WDR20: variants seen among roughly 807,000 people sequenced by gnomAD.
The protein encoded by WDR20 is WD repeat-containing protein 20.
WDR20 carries 3 observed loss-of-function variants against 38.7 expected under a neutral mutation model. The ratio of observed to expected loss-of-function variants is 0.08; its 90% CI spans 0.04 to 0.20. The LOEUF is 0.20. WDR20 is among the 10% of genes least tolerant of loss of function. The probability of loss-of-function intolerance (pLI) is 1.00; values close to 1 mark genes in which losing one functional copy is unlikely to be tolerated. For missense variants in WDR20, 559 were observed against 727.7 expected, an observed-to-expected ratio of 0.77 and a Z score of 2.67; for synonymous variants, 298 against 285.6, an observed-to-expected ratio of 1.04 and a Z score of -0.44.
At chr14:102,150,723 G>C (rs1307159140) in intron 1 of WDR20, among the ~76,000 whole-genome samples, 2 of 152,208 alleles carry the variant, frequency 1.3e-5, no homozygotes, top group South Asian at 4.1e-4. Flanking sequence ...AGTAGTTTTT[G>C]TGTGAAAAGC....
chr14:102,215,288 G>GT (rs1346002919), downstream of WDR20, among the ~76,000 whole-genome samples: 1 of 152,200 alleles, frequency 6.6e-6, no homozygotes. Context: ...GCTGAGCTGT[G>GT]TAGAGGCTTC....
intron 1 of WDR20, among the ~76,000 whole-genome samples, chr14:102,154,585 A>G (rs1004825279): frequency 3.9e-5 from 6 of 152,144 alleles, no homozygotes; most frequent in African/African-American, 1.2e-4. Context: ...TTATGTATGC[A>G]TTTGTCTGTC....
At position 102,164,061 on chromosome 14, in the gene WDR20, C is replaced by T. The variant is rs2059299967; in HGVS notation, c.249+23889C>T. Among the ~76,000 whole-genome samples, 2 of 152,108 alleles carry T rather than the reference C, an allele frequency of 1.3e-5. 1 individual carries two copies. Among genetic ancestry groups the T allele is most frequent in the South Asian group, 4.1e-4 (2 of 4,830 alleles). On this transcript the variant is annotated intron_variant, in intron 1 of 2. Coordinates refer to ENST00000342702, the MANE Select transcript of WDR20 (RefSeq NM_144574.4). ...TTGATGTGGCAGCAGTCTGACTTTG[C>T]CAGGGAGCTCAGAGAGTATCTCACA... is the stretch of plus-strand genomic sequence containing the variant.
At chr14:102,199,916 C>T (rs1439202080) in intron 2 of WDR20, among the ~76,000 whole-genome samples, 1 of 152,108 alleles carries the variant, frequency 6.6e-6, no homozygotes, top group African/African-American at 2.4e-5. Context: ...ACCTCTAAAC[C>T]GTGACGCTCA....
At chr14:102,156,547 T>C (rs1434189710) in intron 1 of WDR20, among the ~76,000 whole-genome samples, 2 of 152,070 alleles carry the variant, frequency 1.3e-5, no homozygotes, top group Non-Finnish European at 2.9e-5. Context: ...AACTGTACTT[T>C]AATGTAGAAT....
intron 1 of WDR20, among the ~76,000 whole-genome samples, chr14:102,167,211 T>TA (rs2059933355): frequency 6.6e-6 from 1 of 152,260 alleles, no homozygotes; most frequent in Non-Finnish European, 1.5e-5. Flanking sequence ...AGATTCTTCT[T>TA]CTTATTTATT....
chr14:102,167,698 G>A (rs529606326), intron 1 of WDR20: 1 of 152,130 alleles, frequency 6.6e-6, no homozygotes, highest in South Asian at 2.1e-4. Flanking sequence ...CTACCAAGTC[G>A]CCTCTCTAAT....
At chr14:102,204,867 C>G (rs192911582) in intron 2 of WDR20, among the ~76,000 whole-genome samples, 48 of 152,316 alleles carry the variant, frequency 3.2e-4, no homozygotes, top group African/African-American at 1.0e-3. Context: ...CCACAATAAA[C>G]CACAGTTTAT....
At chr14:102,143,047 A>G (rs867445993) in intron 1 of WDR20, among the ~76,000 whole-genome samples, 10 of 152,092 alleles carry the variant, frequency 6.6e-5, no homozygotes, top group Admixed American at 1.3e-4. Flanking sequence ...TAAAAGGTTT[A>G]CAGGTCAGTG....
At chr14:102,139,540 C>T, upstream of WDR20, 2 of 919,450 alleles carry the variant, frequency 2.2e-6, no homozygotes, top group Non-Finnish European at 3.2e-6. Flanking sequence ...CCCTCAAGTT[C>T]ACCTCAGGCT....
intron 1 of WDR20, among the ~76,000 whole-genome samples, chr14:102,154,858 A>G (rs543697928): frequency 6.6e-6 from 1 of 152,348 alleles, no homozygotes; most frequent in East Asian, 1.9e-4. Flanking sequence ...ATGGGAGGTA[A>G]GGTCAGGCAG....
chr14:102,172,449 G>A (rs868191798), intron 1 of WDR20, among the ~76,000 whole-genome samples: 1,984 of 151,174 alleles, frequency 0.013, 12 homozygotes, highest in Non-Finnish European at 0.021. Context: ...GGTGGTGGCC[G>A]GGCAGAGGGG....
At chr14:102,173,994 A>G (rs2061535990) in intron 1 of WDR20, among the ~76,000 whole-genome samples, 2 of 151,076 alleles carry the variant, frequency 1.3e-5, no homozygotes, top group South Asian at 4.2e-4. Context: ...CAGTGAGCTG[A>G]GATCGCGCCA....
chr14:102,182,836 A>G (rs1360633805), intron 1 of WDR20, among the ~76,000 whole-genome samples: 8 of 152,110 alleles, frequency 5.3e-5, no homozygotes, highest in East Asian at 3.8e-4. Flanking sequence ...AAATATGTAC[A>G]TGTAAATAAA....
At chr14:102,217,598 C>T (rs1036451846), downstream of WDR20, among the ~76,000 whole-genome samples, 37 of 145,864 alleles carry the variant, frequency 2.5e-4, 1 homozygote, top group Admixed American at 1.8e-3. Flanking sequence ...TGGGTCCCGA[C>T]GTCCCTGGGC....
At chr14:102,178,571 T>C (rs1389529463) in intron 1 of WDR20, among the ~76,000 whole-genome samples, 3 of 151,958 alleles carry the variant, frequency 2.0e-5, no homozygotes, top group Non-Finnish European at 4.4e-5. Context: ...CAATGAAGAT[T>C]CTGGGCCCCT....
intron 1 of WDR20, among the ~76,000 whole-genome samples, chr14:102,147,337 C>T (rs1376875824): frequency 1.3e-5 from 2 of 152,192 alleles, no homozygotes; most frequent in East Asian, 1.9e-4. Flanking sequence ...TGCAGTGAGC[C>T]AAGATCGTGC....
rs148336926 is a variant in WDR20, at chr14:102,149,617, A to G, written c.249+9445A>G. 3.0e-4 allele frequency among the ~76,000 whole-genome samples: 45 copies of G among 152,272 alleles called. No individual in the cohort carries two copies. In the East Asian group the frequency reaches 8.3e-3, roughly 28 times the overall value. On this transcript the variant is annotated intron_variant, in intron 1 of 2. Coordinates refer to ENST00000342702, the MANE Select transcript of WDR20 (RefSeq NM_144574.4). ...GTAAGATGTCCACTGCTCTTTTAGC[A>G]TTTTTCTCAACTTTTCAGCTTCTCT...
At chr14:102,162,587 T>C (rs2058974283) in intron 1 of WDR20, among the ~76,000 whole-genome samples, 1 of 149,922 alleles carries the variant, frequency 6.7e-6, no homozygotes, top group African/African-American at 2.5e-5. Flanking sequence ...CTCTCTCTCT[T>C]TCTTTCTTTT....
Sources: gnomAD v4.1 joint callset for allele counts (sites outside exome capture counted in the v4.1 genomes callset) on GRCh38, gnomAD v4.1.1 for gene constraint, MANE v1.5 for transcripts, NCBI Gene and HGNC (gene_info 2026-07-23, HGNC 2026-07-21) for gene names.